Variants in CLTCL1 observed in about 807,000 individuals in gnomAD.
CLTCL1 encodes the protein clathrin heavy chain like 1.
CLTCL1 carries 159 observed loss-of-function variants against 190.0 expected under a neutral mutation model. The observed-to-expected ratio is 0.84, with a 90% confidence interval of 0.74 to 0.95. The LOEUF (loss-of-function observed/expected upper bound fraction) is 0.95. Among genes scored for constraint, CLTCL1 ranks in the 40% least tolerant of loss-of-function variants. The probability of loss-of-function intolerance (pLI) is 0.00; values close to 1 mark genes in which losing one functional copy is unlikely to be tolerated. For synonymous variants in CLTCL1, 752 were observed against 769.6 expected, an observed-to-expected ratio of 0.98 and a Z score of 0.38; for missense variants, 1,878 against 2,033.4, an observed-to-expected ratio of 0.92 and a Z score of 1.47.
At position 19,188,145 on chromosome 22, in the gene CLTCL1, C is replaced by T. The variant is rs1601441109; in HGVS notation, c.4324-54G>A. On this transcript the variant is annotated intron_variant, in intron 27 of 32. Transcript: ENST00000427926. The stretch of plus-strand genomic sequence containing the variant: ...CTTGGCCAAGCTTGTTATGGGGACA[C>T]TAGGCAGGGGCACAGGTGGGCACGT... The T allele has an allele frequency of 6.5e-6, 10 of 1,532,218 alleles. No individual in the cohort carries two copies. The East Asian group carries it at 9.0e-5, about 14-fold the overall frequency. The allele number at this position is 1,532,218 out of a possible 1,614,324, so 94.9% of individuals were successfully genotyped here.
chr22:19,269,947 TA>T (rs35826599), intron 2 of CLTCL1, among the ~76,000 whole-genome samples: 148 of 138,230 alleles, frequency 1.1e-3, no homozygotes, highest in Middle Eastern at 8.3e-3. Context: ...AAAGTAAAAT[TA>T]AAAAAAAAAA....
chr22:19,270,842 G>A (rs1301076838), intron 2 of CLTCL1, among the ~76,000 whole-genome samples: 2 of 151,184 alleles, frequency 1.3e-5, no homozygotes, highest in Admixed American at 1.3e-4. Flanking sequence ...TTGGTGGTAC[G>A]CTGTCAGGAT....
intron 2 of CLTCL1, among the ~76,000 whole-genome samples, chr22:19,259,757 T>A (rs1234471906): frequency 2.0e-5 from 3 of 152,142 alleles, no homozygotes; most frequent in Admixed American, 6.5e-5. Flanking sequence ...AATTAGGCCA[T>A]TTAACAACCT....
intron 1 of CLTCL1, among the ~76,000 whole-genome samples, chr22:19,279,175 G>A (rs2087619390): frequency 6.6e-6 from 1 of 151,922 alleles, no homozygotes; most frequent in African/African-American, 2.4e-5. Flanking sequence ...TCGCTGCGAC[G>A]CCCATCCTGG....
At chr22:19,206,330 C>A (rs1881213268) in intron 22 of CLTCL1, among the ~76,000 whole-genome samples, 1 of 152,174 alleles carries the variant, frequency 6.6e-6, no homozygotes, top group Non-Finnish European at 1.5e-5. Flanking sequence ...GCAGCCTTGA[C>A]CTCCTGGGCT....
Position 19,209,879 on chromosome 22 carries a change from C to T in CLTCL1, c.3249+447G>A, listed in dbSNP as rs114151331. On this transcript the variant is annotated intron_variant, in intron 20 of 32. Coordinates refer to ENST00000427926, the MANE Select transcript of CLTCL1 (RefSeq NM_007098.4). The stretch of plus-strand genomic sequence containing the variant: ...GGGGCAGGCAGGGAGGGCTGGAGGG[C>T]CTGCTCTGGGAACCTGACCTTGGAT... Among the ~76,000 whole-genome samples, 952 of 152,088 alleles carry T rather than the reference C, an allele frequency of 6.3e-3. 11 individuals are homozygous for T. Among genetic ancestry groups the T allele is most frequent in the African/African-American group, 0.021 (861 of 41,478 alleles).
In CLTCL1 at chr22:19,284,616, C is replaced by T. The variant is rs560408194; in HGVS notation, c.42+6984G>A. Among the ~76,000 whole-genome samples the T allele has an allele frequency of 8.6e-5, 13 of 151,782 alleles. No homozygotes were observed. The East Asian group carries it at 2.2e-3, about 25-fold the overall frequency. On this transcript the variant is annotated intron_variant, in intron 1 of 32. Coordinates refer to ENST00000427926, the MANE Select transcript of CLTCL1 (RefSeq NM_007098.4). ...CGGAGGCTGCAGTGAGCCAAGACCACGCCATTGCATTCCAGCCTGGGCAAC... is the reference window on the plus strand; with the variant it reads ...CGGAGGCTGCAGTGAGCCAAGACCATGCCATTGCATTCCAGCCTGGGCAAC...
At chr22:19,182,692 C>G (rs762529) in intron 30 of CLTCL1, 114,698 of 152,158 alleles carry the variant, frequency 0.75, 44,529 homozygotes, top group East Asian at 0.94. Flanking sequence ...CCTTCCGAGG[C>G]TCTCCATCTG....
rs1349233822 is a variant in CLTCL1 at position 19,259,298 on chromosome 22, G to T, written c.251-5071C>A. Among the ~76,000 whole-genome samples the T allele has an allele frequency of 2.0e-5, 3 of 152,132 alleles. 1 individual carries two copies. ...TTTTTGTATTTTTAGTAGAGACGGG[G>T]TTTTACCATGTTGGCCAGGCTGGTC... On this transcript the variant is annotated intron_variant, in intron 2 of 32. Coordinates refer to ENST00000427926, the MANE Select transcript of CLTCL1 (RefSeq NM_007098.4).
chr22:19,203,153 A>G (rs1555940870), intron 22 of CLTCL1, among the ~76,000 whole-genome samples: 1 of 152,154 alleles, frequency 6.6e-6, no homozygotes, highest in African/African-American at 2.4e-5. Flanking sequence ...TGTCTCTACT[A>G]CAAATAGAAA....
At chr22:19,181,115 A>G (rs1555925670) in intron 30 of CLTCL1, 3 of 396,326 alleles carry the variant, frequency 7.6e-6, no homozygotes, top group African/African-American at 6.0e-5. Flanking sequence ...TGGGGGGCCA[A>G]GTCCTCCTCT....
intron 2 of CLTCL1, among the ~76,000 whole-genome samples, chr22:19,261,010 A>C (rs782484817): frequency 3.9e-5 from 6 of 152,062 alleles, no homozygotes; most frequent in Non-Finnish European, 8.8e-5. Context: ...TGACGGAGAT[A>C]TACAAGGAGA....
At chr22:19,281,527 G>C (rs1362489901) in intron 1 of CLTCL1, among the ~76,000 whole-genome samples, 2 of 152,114 alleles carry the variant, frequency 1.3e-5, no homozygotes, top group Non-Finnish European at 2.9e-5. Flanking sequence ...TCTGGAATTG[G>C]CCTCAATAAA....
At chr22:19,191,229 A>C in intron 27 of CLTCL1, 75 bp downstream of exon 27, 2 of 1,568,202 alleles carry the variant, frequency 1.3e-6, no homozygotes, top group Admixed American at 3.6e-5. Context: ...ACTCTTTATA[A>C]AGGTGCTATC....
chr22:19,197,299 C>G (rs1297809658), intron 24 of CLTCL1, among the ~76,000 whole-genome samples: 1 of 152,060 alleles, frequency 6.6e-6, no homozygotes, highest in Non-Finnish European at 1.5e-5. Context: ...CCCTTCTGTG[C>G]CCCCTCCACT....
At position 19,258,782 on chromosome 22, in the gene CLTCL1, C is replaced by T. The variant is rs907972817; in HGVS notation, c.251-4555G>A. ...ACGGCAAAGTGGTGTTTGAGACCAA[C>T]GACACCAAAGTTCTGAGGAATTGAG... On this transcript the variant is annotated intron_variant, in intron 2 of 32. Transcript: ENST00000427926. 7 of 687,842 alleles carry T rather than the reference C, an allele frequency of 1.0e-5. 1 individual carries two copies. The highest frequency in any genetic ancestry group is 7.4e-4 in the Middle Eastern group (2 of 2,688). 42.6% of individuals were successfully genotyped at this position (687,842 alleles called of 1,614,324 possible).
At chr22:19,190,208 T>C (rs868987308) in intron 27 of CLTCL1, among the ~76,000 whole-genome samples, 10 of 152,348 alleles carry the variant, frequency 6.6e-5, no homozygotes, top group South Asian at 2.1e-4. Flanking sequence ...TCCACCCACC[T>C]TGGCCTCCCA....
At chr22:19,289,613 G>A (rs2088035230) in intron 1 of CLTCL1, among the ~76,000 whole-genome samples, 1 of 152,162 alleles carries the variant, frequency 6.6e-6, no homozygotes, top group African/African-American at 2.4e-5. Flanking sequence ...TTGTACAGAT[G>A]GAAGAGAGGT....
intron 2 of CLTCL1, among the ~76,000 whole-genome samples, chr22:19,262,007 T>C (rs2086964149): frequency 6.6e-6 from 1 of 152,068 alleles, no homozygotes; most frequent in Non-Finnish European, 1.5e-5. Flanking sequence ...ACTGATGTCT[T>C]TTTTTAAAAT....
Sources: allele counts gnomAD v4.1 joint callset (sites outside exome capture counted in the v4.1 genomes callset), GRCh38; gene constraint gnomAD v4.1.1; transcripts MANE v1.5; gene names NCBI Gene and HGNC (gene_info 2026-07-23, HGNC 2026-07-21).